The following STPG2 variants were observed in gnomAD, a reference collection of about 807,000 sequenced individuals.
The protein encoded by STPG2 is sperm tail PG-rich repeat containing 2, also known as sperm-tail PG-rich repeat-containing protein 2.
A neutral mutation model predicts 54.2 loss-of-function variants in STPG2; 56 were observed. The ratio of observed to expected loss-of-function variants is 1.03; its 90% confidence interval spans 0.83 to 1.29. STPG2 has a LOEUF of 1.29. Ranked by LOEUF, STPG2 falls within the 50% of genes most tolerant of loss-of-function variation. The pLI is 0.00. For missense variants in STPG2, 596 were observed against 544.9 expected (o/e 1.09, Z -0.93); for synonymous variants, 200 against 181.8 (o/e 1.10, Z -0.81).
chr4:97,891,133 A>T (rs951082479), intron 8 of STPG2, among the ~76,000 whole-genome samples: 1 of 152,086 alleles, frequency 6.6e-6, no homozygotes, highest in African/African-American at 2.4e-5. Context: ...CAACTATTAG[A>T]CATACTAAAT....
intron 10 of STPG2, among the ~76,000 whole-genome samples, chr4:97,646,038 T>A (rs1721902413): frequency 6.6e-6 from 1 of 152,126 alleles, no homozygotes; most frequent in Admixed American, 6.6e-5. Context: ...CTCAATGATC[T>A]GATTCTTTCC....
At chr4:97,624,280 G>T (rs546271815) in intron 10 of STPG2, among the ~76,000 whole-genome samples, 3 of 151,932 alleles carry the variant, frequency 2.0e-5, no homozygotes, top group Admixed American at 2.0e-4. Context: ...TTCCTATTTC[G>T]CCATAGCCTT....
chr4:97,679,155 C>T (rs1181329864), intron 10 of STPG2, among the ~76,000 whole-genome samples: 41 of 152,078 alleles, frequency 2.7e-4, no homozygotes, highest in South Asian at 8.3e-4. Flanking sequence ...ATGGGATGTC[C>T]GGGTCAAATG....
chr4:97,937,044 G>T (rs1447714487), intron 8 of STPG2, among the ~76,000 whole-genome samples: 1 of 151,788 alleles, frequency 6.6e-6, no homozygotes. Context: ...TTTTTTCATA[G>T]TCCCAAGGTT....
intron 9 of STPG2, among the ~76,000 whole-genome samples, chr4:97,827,864 C>T (rs941062644): frequency 6.6e-6 from 1 of 152,020 alleles, no homozygotes; most frequent in Non-Finnish European, 1.5e-5. Context: ...AGTTGCTAAC[C>T]TGTGGTAAGT....
chr4:97,907,129 G>C (rs1219232225), intron 8 of STPG2, among the ~76,000 whole-genome samples: 1 of 152,068 alleles, frequency 6.6e-6, no homozygotes, highest in Admixed American at 6.6e-5. Context: ...CATTATCTCA[G>C]CCCAAAATCT....
At chr4:98,115,448 CTTT>C in intron 3 of STPG2, among the ~76,000 whole-genome samples, 1 of 151,894 alleles carries the variant, frequency 6.6e-6, no homozygotes, top group Admixed American at 6.6e-5. Context: ...TATAAAATAA[CTTT>C]TTTGTAGAAT....
At chr4:98,124,666 T>C (rs1319953530) in intron 3 of STPG2, among the ~76,000 whole-genome samples, 2 of 152,176 alleles carry the variant, frequency 1.3e-5, no homozygotes, top group South Asian at 2.1e-4. Flanking sequence ...TTTGGGTTTA[T>C]CTCATGTAGT....
chr4:97,504,355 G>A (rs1414522681), intron 4 of STPG2, among the ~76,000 whole-genome samples: 1 of 151,158 alleles, frequency 6.6e-6, no homozygotes, highest in Non-Finnish European at 1.5e-5. Flanking sequence ...ATAGTTTATA[G>A]TCTACTCAAC....
intron 8 of STPG2, among the ~76,000 whole-genome samples, chr4:97,895,124 C>T (rs1397088313): frequency 6.6e-6 from 1 of 151,566 alleles, no homozygotes; most frequent in Admixed American, 6.6e-5. Context: ...AGATATAGGG[C>T]CAAGCAATTG....
chr4:97,855,410 C>T (rs1188559082), intron 8 of STPG2, among the ~76,000 whole-genome samples: 1 of 152,170 alleles, frequency 6.6e-6, no homozygotes, highest in Non-Finnish European at 1.5e-5. Flanking sequence ...ATTTCCACTT[C>T]TCTAATGATC....
At chr4:97,813,367 T>C (rs1460400333) in intron 9 of STPG2, among the ~76,000 whole-genome samples, 1 of 152,180 alleles carries the variant, frequency 6.6e-6, no homozygotes, top group African/African-American at 2.4e-5. Flanking sequence ...GCTGCACATG[T>C]ACTCCCAAAT....
intron 10 of STPG2, among the ~76,000 whole-genome samples, chr4:97,584,916 C>T (rs1253440981): frequency 1.3e-5 from 2 of 151,652 alleles, no homozygotes; most frequent in Admixed American, 6.6e-5. Flanking sequence ...GGATTCACAG[C>T]TGAATTCTTT....
At chr4:97,893,674 A>G (rs1730852057) in intron 8 of STPG2, among the ~76,000 whole-genome samples, 1 of 152,120 alleles carries the variant, frequency 6.6e-6, no homozygotes, top group African/African-American at 2.4e-5. Flanking sequence ...TTTACTAAAG[A>G]GAAAATCAGA....
At chr4:97,955,497 G>A (rs573230812) in intron 7 of STPG2, among the ~76,000 whole-genome samples, 20 of 152,260 alleles carry the variant, frequency 1.3e-4, no homozygotes, top group Non-Finnish European at 1.3e-4. Flanking sequence ...TTACAGGTGT[G>A]AGCCACCGCA....
chr4:97,967,423 C>T (rs1393483104), intron 7 of STPG2, among the ~76,000 whole-genome samples: 1 of 151,950 alleles, frequency 6.6e-6, no homozygotes, highest in African/African-American at 2.4e-5. Flanking sequence ...ACTTGAACAC[C>T]CCACTGTCAA....
At chr4:97,836,873 AAATT>A (rs1420786523) in intron 9 of STPG2, among the ~76,000 whole-genome samples, 7 of 149,298 alleles carry the variant, frequency 4.7e-5, no homozygotes, top group Admixed American at 2.0e-4. Context: ...TAATAACAAT[AAATT>A]AATATTTAGT....
At chr4:97,852,811 G>A (rs1729204652) in intron 8 of STPG2, among the ~76,000 whole-genome samples, 1 of 151,952 alleles carries the variant, frequency 6.6e-6, no homozygotes, top group African/African-American at 2.4e-5. Context: ...GAGACATATA[G>A]ATCCCCAATA....
downstream of STPG2, among the ~76,000 whole-genome samples, chr4:97,557,944 A>G (rs1022639480): frequency 2.0e-5 from 3 of 152,242 alleles, no homozygotes; most frequent in African/African-American, 7.2e-5. Flanking sequence ...AAAGTGACAT[A>G]CACAAATGAG....
Sources: gnomAD v4.1 joint callset for allele counts (sites outside exome capture counted in the v4.1 genomes callset) on GRCh38, gnomAD v4.1.1 for gene constraint, MANE v1.5 for transcripts, NCBI Gene and HGNC (gene_info 2026-07-23, HGNC 2026-07-21) for gene names.